NAA35: variants seen among roughly 807,000 people sequenced by gnomAD.
The protein encoded by NAA35 is N-alpha-acetyltransferase 35, NatC auxiliary subunit.
Under a neutral mutation model 101.7 loss-of-function variants are expected in NAA35, and 18 were observed. The observed-to-expected ratio is 0.18, with a 90% CI of 0.12 to 0.26. The LOEUF is 0.26. NAA35 is among the 10% of genes least tolerant of loss of function. The pLI is 1.00. For synonymous variants in NAA35, 267 were observed against 273.1 expected, an observed-to-expected ratio of 0.98 and a Z score of 0.22; for missense variants, 601 against 886.8, an observed-to-expected ratio of 0.68 and a Z score of 4.09.
At chr9:85,941,962 C>T in intron 1 of NAA35, 193 bp from the exon 2 acceptor site, 1 of 1,245,202 alleles carries the variant, frequency 8.0e-7, no homozygotes, top group Non-Finnish European at 1.0e-6. Context: ...TAGTAAGCAG[C>T]AGGAGTGTTA....
intron 6 of NAA35, among the ~76,000 whole-genome samples, chr9:85,972,532 A>AG (rs1564298825): frequency 4.8e-5 from 7 of 146,954 alleles, no homozygotes; most frequent in Non-Finnish European, 9.1e-5. Flanking sequence ...AAAAAAAAAA[A>AG]GGGTCGGGGG....
At chr9:86,004,368 G>C (rs1436394791) in intron 13 of NAA35, among the ~76,000 whole-genome samples, 1 of 151,984 alleles carries the variant, frequency 6.6e-6, no homozygotes, top group Non-Finnish European at 1.5e-5. Context: ...GCCTCCCAAA[G>C]TGCTAGGATT....
intron 13 of NAA35, among the ~76,000 whole-genome samples, chr9:86,004,196 C>T (rs781407745): frequency 6.6e-6 from 1 of 152,112 alleles, no homozygotes; most frequent in Non-Finnish European, 1.5e-5. Flanking sequence ...TCTCCGCCTC[C>T]CGGGTTCAAG....
chr9:85,945,128 G>A (rs1312474025), intron 2 of NAA35, among the ~76,000 whole-genome samples: 1 of 152,192 alleles, frequency 6.6e-6, no homozygotes, highest in Non-Finnish European at 1.5e-5. Context: ...GGAACCTTGA[G>A]TGGGAGATAA....
At chr9:85,973,820 G>A (rs1254485488) in intron 6 of NAA35, among the ~76,000 whole-genome samples, 1 of 151,560 alleles carries the variant, frequency 6.6e-6, no homozygotes, top group Non-Finnish European at 1.5e-5. Context: ...CAAGGACATT[G>A]GGTTTATTTT....
At chr9:86,013,186 A>G (rs377213578) in intron 16 of NAA35, 42 bp downstream of exon 16, 11 of 1,232,010 alleles carry the variant, frequency 8.9e-6, no homozygotes, top group Non-Finnish European at 1.3e-5. Context: ...TAAATGATGC[A>G]CACACTTTGT....
rs966783302 is a variant in NAA35 at position 85,941,965 on chromosome 9, G to A, written c.-5-190G>A. The A allele has an allele frequency of 2.4e-6, 3 of 1,246,348 alleles. No individual in the cohort carries two copies. In the African/African-American group the frequency reaches 4.6e-5, roughly 19 times the overall value. 77.2% of individuals were successfully genotyped at this position (1,246,348 alleles called of 1,614,324 possible). A position where few individuals can be genotyped will look rare whatever the true frequency, so the allele number is the denominator to read the frequency against. On this transcript the variant is annotated intron_variant, in intron 1 of 22. Transcript: ENST00000361671. ...GTGGTGGGCTAATAGTAAGCAGCAG[G>A]AGTGTTAATTGACGTGCGATTTGAT... is the stretch of plus-strand genomic sequence containing the variant.
chr9:85,997,672 C>G (rs1244490328), intron 12 of NAA35, among the ~76,000 whole-genome samples: 1 of 151,992 alleles, frequency 6.6e-6, no homozygotes, highest in Non-Finnish European at 1.5e-5. Flanking sequence ...ATTGTGGAGA[C>G]AAGGTCTCAC....
At chr9:85,975,448 G>C (rs1202209772) in intron 8 of NAA35, among the ~76,000 whole-genome samples, 1 of 151,918 alleles carries the variant, frequency 6.6e-6, no homozygotes, top group Non-Finnish European at 1.5e-5. Context: ...CAAAACTCAA[G>C]GATGCTCAAG....
At chr9:85,965,251 G>C (rs1829695030) in intron 6 of NAA35, among the ~76,000 whole-genome samples, 1 of 152,170 alleles carries the variant, frequency 6.6e-6, no homozygotes, top group South Asian at 2.1e-4. Context: ...TTACAGAATT[G>C]TTTGTAGTAA....
intron 13 of NAA35, among the ~76,000 whole-genome samples, chr9:86,004,713 A>G (rs1265186480): frequency 6.6e-6 from 1 of 152,200 alleles, no homozygotes; most frequent in Non-Finnish European, 1.5e-5. Context: ...AATATCAAGA[A>G]TGAAAGAAGG....
intron 15 of NAA35, among the ~76,000 whole-genome samples, chr9:86,012,048 G>T (rs924063203): frequency 1.1e-4 from 16 of 146,496 alleles, no homozygotes; most frequent in African/African-American, 4.0e-4. Context: ...AACAATAGAA[G>T]ACCAGAATTT....
intron 6 of NAA35, among the ~76,000 whole-genome samples, chr9:85,974,461 C>CA (rs1830128618): frequency 1.3e-5 from 2 of 152,122 alleles, no homozygotes; most frequent in African/African-American, 4.8e-5. Context: ...CTGAATGACT[C>CA]AGTTTTTTTC....
At chr9:86,002,455 C>T (rs577142326) in intron 12 of NAA35, among the ~76,000 whole-genome samples, 2 of 152,238 alleles carry the variant, frequency 1.3e-5, no homozygotes, top group African/African-American at 4.8e-5. Flanking sequence ...ATATATTTTC[C>T]AAGATGTTTG....
intron 11 of NAA35, among the ~76,000 whole-genome samples, chr9:85,987,647 G>A (rs573723126): frequency 2.6e-5 from 4 of 152,316 alleles, no homozygotes; most frequent in African/African-American, 9.6e-5. Flanking sequence ...CTGTGAAGAT[G>A]GCTCTGATGT....
chr9:85,942,069 C>G, intron 1 of NAA35, 86 bp from the exon 2 acceptor site: 1 of 1,536,768 alleles, frequency 6.5e-7, no homozygotes, highest in Non-Finnish European at 8.8e-7. Flanking sequence ...AAGACTTCAT[C>G]CTATGCTGAA....
At chr9:85,965,230 A>T (rs1369141259) in intron 6 of NAA35, among the ~76,000 whole-genome samples, 1 of 152,258 alleles carries the variant, frequency 6.6e-6, no homozygotes, top group Non-Finnish European at 1.5e-5. Flanking sequence ...ACCTGTGTAC[A>T]AGGATATTAC....
chr9:85,984,469 A>G (rs1394031945), intron 11 of NAA35, among the ~76,000 whole-genome samples: 5 of 152,244 alleles, frequency 3.3e-5, no homozygotes, highest in Admixed American at 2.0e-4. Flanking sequence ...GTGGCATATG[A>G]TTATGAAACT....
intron 15 of NAA35, among the ~76,000 whole-genome samples, chr9:86,012,689 C>A (rs1465474346): frequency 6.6e-6 from 1 of 152,124 alleles, no homozygotes; most frequent in Non-Finnish European, 1.5e-5. Context: ...AATTATTAGG[C>A]ATTCTGACAT....
Sources: allele counts gnomAD v4.1 joint callset (sites outside exome capture counted in the v4.1 genomes callset), GRCh38; gene constraint gnomAD v4.1.1; transcripts MANE v1.5; gene names NCBI Gene and HGNC (gene_info 2026-07-23, HGNC 2026-07-21).